The following TBCEL variants were observed in gnomAD, a reference collection of about 807,000 sequenced individuals.
TBCEL encodes the protein tubulin folding cofactor E like, also known as tubulin-specific chaperone cofactor E-like protein.
Under a neutral mutation model 44.2 loss-of-function variants are expected in TBCEL, and 15 were observed. That is an observed-to-expected ratio of 0.34 (90% confidence interval 0.23 to 0.52). TBCEL has a LOEUF of 0.52. Among genes scored for constraint, TBCEL ranks in the 20% least tolerant of loss-of-function variants. The pLI is 0.95. For synonymous variants in TBCEL, 171 were observed against 185.4 expected (o/e 0.92, Z 0.63); for missense variants, 319 against 506.3 (o/e 0.63, Z 3.55).
At chr11:121,048,527 C>T (rs1417343920) in intron 4 of TBCEL, among the ~76,000 whole-genome samples, 3 of 151,824 alleles carry the variant, frequency 2.0e-5, no homozygotes, top group Non-Finnish European at 4.4e-5. Context: ...AATTTGGGCT[C>T]TTATTTTTTG....
chr11:121,064,596 T>C lies in TBCEL; in HGVS notation c.956+4511T>C, dbSNP rs11603612. ...GGTTCAATGCCACTGCTTGGTCTCT[T>C]CCATCCTTCATTAAATTGAAATGGC... is the stretch of plus-strand genomic sequence containing the variant. On this transcript the variant is annotated intron_variant, in intron 8 of 8. Transcript: ENST00000683345. 3.2e-3 allele frequency among the ~76,000 whole-genome samples: 492 copies of C among 152,310 alleles called. 2 individuals are homozygous for C. The highest frequency in any genetic ancestry group is 0.011 in the African/African-American group (458 of 41,568).
intron 1 of TBCEL, among the ~76,000 whole-genome samples, chr11:121,031,745 A>G (rs749603765): frequency 1.5e-4 from 22 of 145,766 alleles, no homozygotes; most frequent in African/African-American, 4.1e-4. Context: ...GCTCACTGCA[A>G]CCTTCACCTC....
intron 8 of TBCEL, among the ~76,000 whole-genome samples, chr11:121,079,217 G>A (rs1946082497): frequency 6.6e-6 from 1 of 152,186 alleles, no homozygotes; most frequent in African/African-American, 2.4e-5. Flanking sequence ...AACATCTATG[G>A]CTTCAGGTAA....
intron 8 of TBCEL, among the ~76,000 whole-genome samples, chr11:121,069,532 T>A (rs1945885630): frequency 6.6e-6 from 1 of 152,204 alleles, no homozygotes; most frequent in Non-Finnish European, 1.5e-5. Flanking sequence ...GGCTCACTCC[T>A]GTAATCCCAG....
intron 2 of TBCEL, among the ~76,000 whole-genome samples, chr11:121,045,221 G>A (rs1002095568): frequency 6.6e-6 from 1 of 152,132 alleles, no homozygotes; most frequent in Non-Finnish European, 1.5e-5. Context: ...CAGTTATCCA[G>A]TTATCCAGTT....
At chr11:121,030,747 GT>G (rs1395013920) in intron 1 of TBCEL, among the ~76,000 whole-genome samples, 1 of 151,844 alleles carries the variant, frequency 6.6e-6, no homozygotes, top group East Asian at 1.9e-4. Context: ...TGAATTTTGT[GT>G]TTTTTTCTCT....
chr11:121,047,514 C>G lies in TBCEL; in HGVS notation c.134-14C>G, dbSNP rs566584172. On this transcript the variant is annotated splice_polypyrimidine_tract_variant and intron_variant, in intron 3 of 8. Transcript: ENST00000683345. ...GGCTGATATAGAAAACATTTTGTGT[C>G]TCTCATCATTCAGATCGCCTCAACC... 10 of 1,610,044 alleles carry G rather than the reference C, an allele frequency of 6.2e-6. No homozygotes were observed. Among genetic ancestry groups the G allele is most frequent in the East Asian group, 2.2e-5 (1 of 44,778 alleles).
At chr11:121,075,005 T>C (rs1430992432) in intron 8 of TBCEL, among the ~76,000 whole-genome samples, 1 of 151,966 alleles carries the variant, frequency 6.6e-6, no homozygotes, top group African/African-American at 2.4e-5. Flanking sequence ...CCAGTGATCT[T>C]ACTGAGACTT....
chr11:121,086,721 G>A, intron 8 of TBCEL, 57 bp from the exon 9 acceptor site: 1 of 1,320,200 alleles, frequency 7.6e-7, no homozygotes, highest in Admixed American at 2.2e-5. Context: ...TTGGGAAGAA[G>A]TCCACAGTAC....
intron 1 of TBCEL, among the ~76,000 whole-genome samples, chr11:121,030,105 G>A (rs1039818471): frequency 5.3e-5 from 8 of 152,180 alleles, no homozygotes; most frequent in African/African-American, 1.7e-4. Context: ...GGTGACATTT[G>A]TGTTTAAATT....
intron 8 of TBCEL, among the ~76,000 whole-genome samples, chr11:121,070,035 G>A (rs1325612336): frequency 6.6e-6 from 1 of 152,112 alleles, no homozygotes; most frequent in Non-Finnish European, 1.5e-5. Context: ...ATCAAAAAGT[G>A]GGCAAAAGAT....
chr11:121,043,274 T>G lies in TBCEL; in HGVS notation c.-17-2400T>G, dbSNP rs190786952. Among the ~76,000 whole-genome samples the G allele has an allele frequency of 4.6e-5, 7 of 152,162 alleles. No individual in the cohort carries two copies. The East Asian group carries it at 1.3e-3, about 29-fold the overall frequency. On this transcript the variant is annotated intron_variant, in intron 2 of 8. Coordinates refer to ENST00000683345, the MANE Select transcript of TBCEL (RefSeq NM_001363644.2). ...TTTATCAAACCGTTACCATGTATAA[T>G]AAACTATGCCTGATGCTATGAATTG...
intron 8 of TBCEL, among the ~76,000 whole-genome samples, chr11:121,080,736 A>G (rs1156724913): frequency 6.6e-6 from 1 of 152,228 alleles, no homozygotes; most frequent in African/African-American, 2.4e-5. Flanking sequence ...ATAGTGTACC[A>G]CATCTTCCTA....
intron 8 of TBCEL, among the ~76,000 whole-genome samples, chr11:121,079,753 G>C (rs1946091769): frequency 6.6e-6 from 1 of 152,214 alleles, no homozygotes; most frequent in Non-Finnish European, 1.5e-5. Context: ...GAAAACAGCA[G>C]TCAGAAGATG....
At chr11:121,072,340 TG>T (rs1484024527) in intron 8 of TBCEL, among the ~76,000 whole-genome samples, 1 of 152,222 alleles carries the variant, frequency 6.6e-6, no homozygotes, top group Non-Finnish European at 1.5e-5. Context: ...TTTTCGTTTT[TG>T]TTTGCTTTTT....
At chr11:121,069,397 A>G (rs1945882750) in intron 8 of TBCEL, among the ~76,000 whole-genome samples, 1 of 152,226 alleles carries the variant, frequency 6.6e-6, no homozygotes, top group African/African-American at 2.4e-5. Flanking sequence ...TGAGGGAAGA[A>G]TATTCTAGAC....
chr11:121,030,253 G>C (rs1285665957), intron 1 of TBCEL, among the ~76,000 whole-genome samples: 1 of 152,184 alleles, frequency 6.6e-6, no homozygotes, highest in Non-Finnish European at 1.5e-5. Flanking sequence ...TAGTGGGCCA[G>C]GAAAGGAGTG....
At chr11:121,032,695 C>G (rs1232728466) in intron 1 of TBCEL, among the ~76,000 whole-genome samples, 1 of 152,050 alleles carries the variant, frequency 6.6e-6, no homozygotes, top group Non-Finnish European at 1.5e-5. Flanking sequence ...AAGTCACCAA[C>G]AAAAAGCACA....
rs745612650 is a variant in TBCEL, at chr11:121,050,977, C to A, written c.274-2574C>A. On this transcript the variant is annotated intron_variant, in intron 4 of 8. Transcript: ENST00000683345. ...AATGTTTGTCGGCTTTTGGTACTGGCAAGTTTTTCTGTCATAAGTAAATTT... is the reference window on the plus strand; with the variant it reads ...AATGTTTGTCGGCTTTTGGTACTGGAAAGTTTTTCTGTCATAAGTAAATTT... Among the ~76,000 whole-genome samples the A allele has an allele frequency of 3.2e-4, 49 of 151,724 alleles. No homozygotes were observed. In the South Asian group the frequency reaches 3.5e-3, roughly 11 times the overall value.
Sources: allele counts gnomAD v4.1 joint callset (sites outside exome capture counted in the v4.1 genomes callset), GRCh38; gene constraint gnomAD v4.1.1; transcripts MANE v1.5; gene names NCBI Gene and HGNC (gene_info 2026-07-23, HGNC 2026-07-21).